CRACD: variants seen among roughly 807,000 people sequenced by gnomAD.
CRACD encodes capping protein-inhibiting regulator of actin dynamics.
In CRACD, 56 loss-of-function variants were observed where a neutral mutation model predicts 106.8. The ratio of observed to expected loss-of-function variants is 0.52; its 90% CI spans 0.42 to 0.66. The LOEUF (loss-of-function observed/expected upper bound fraction) is 0.66. Among genes scored for constraint, CRACD ranks in the 30% least tolerant of loss-of-function variants. The pLI, the probability that CRACD is intolerant of heterozygous loss-of-function variation, is 0.00. For missense variants in CRACD, 1,730 were observed against 1,623.2 expected (o/e 1.07, Z -1.13); for synonymous variants, 754 against 670.8 (o/e 1.12, Z -1.92).
intron 2 of CRACD, among the ~76,000 whole-genome samples, chr4:56,222,825 T>C (rs1303522009): frequency 6.6e-6 from 1 of 151,536 alleles, no homozygotes; most frequent in Non-Finnish European, 1.5e-5. Flanking sequence ...CCGCAAAAAT[T>C]AGCTGGGCAT....
chr4:56,289,989 G>C (rs1477901951), intron 3 of CRACD, among the ~76,000 whole-genome samples: 1 of 152,114 alleles, frequency 6.6e-6, no homozygotes, highest in East Asian at 1.9e-4. Flanking sequence ...AGCACAGAGG[G>C]GCCCTTTCTG....
intron 3 of CRACD, among the ~76,000 whole-genome samples, chr4:56,279,338 A>G (rs1000654981): frequency 1.3e-5 from 2 of 152,184 alleles, no homozygotes; most frequent in Admixed American, 1.3e-4. Context: ...AGCAAAAGAA[A>G]CTACCATCGG....
At chr4:56,248,488 C>G (rs1031435884) in intron 2 of CRACD, among the ~76,000 whole-genome samples, 1 of 147,438 alleles carries the variant, frequency 6.8e-6, no homozygotes, top group African/African-American at 2.5e-5. Flanking sequence ...CATCAAGGCT[C>G]AATGCATTAT....
intron 6 of CRACD, chr4:56,311,517 G>C (rs564858701): frequency 3.9e-5 from 6 of 152,058 alleles, no homozygotes; most frequent in African/African-American, 1.4e-4. Context: ...ATCTATTAGG[G>C]GATGGAAACA....
chr4:56,260,542 G>A (rs564014393), intron 2 of CRACD, among the ~76,000 whole-genome samples: 1 of 152,178 alleles, frequency 6.6e-6, no homozygotes, highest in Non-Finnish European at 1.5e-5. Flanking sequence ...GTTATTTAAT[G>A]AAACTGTAAT....
chr4:56,315,229 C>T lies in CRACD; in HGVS notation c.1727C>T (p.Pro576Leu). 3 of 1,596,622 alleles carry T rather than the reference C, an allele frequency of 1.9e-6. No individual in the cohort carries two copies. Among genetic ancestry groups the T allele is most frequent in the Non-Finnish European group, 2.6e-6 (3 of 1,171,486 alleles). The part of the protein sequence containing the change: ...LTAAPQEPKA[P>L]KASPVQHALP... Reference sequence around the variant, plus strand: ...GCTGCTCCCCAGGAACCAAAGGCCCCCAAAGCCAGCCCAGTCCAGCACGCC... The same window carrying T: ...GCTGCTCCCCAGGAACCAAAGGCCCTCAAAGCCAGCCCAGTCCAGCACGCC... The change falls in exon 8 of 11, where the codon CCC becomes CTC. Residue 576 changes from proline (P) to leucine (L), a missense_variant. Transcript: ENST00000682029. This position sits in a 1 kb window ranked among gnomAD's most constrained non-coding sequence, Gnocchi z 4.1.
At chr4:56,050,672 A>G (rs1355748419) in intron 1 of CRACD, among the ~76,000 whole-genome samples, 1 of 152,188 alleles carries the variant, frequency 6.6e-6, no homozygotes, top group Admixed American at 6.5e-5. Flanking sequence ...TATGAAAAAA[A>G]ATTTCAAAGG....
chr4:56,129,581 A>G (rs1734759508), intron 1 of CRACD, among the ~76,000 whole-genome samples: 1 of 152,224 alleles, frequency 6.6e-6, no homozygotes. Flanking sequence ...TGCTGCCACC[A>G]GGTGGATGCT....
In CRACD at chr4:56,314,444, G is replaced by A; in HGVS notation, c.942G>A (p.Leu314=). The change falls in exon 8 of 11, where the codon CTG becomes CTA. Residue 314 remains leucine (L), a synonymous_variant. Coordinates refer to ENST00000682029, the MANE Select transcript of CRACD (RefSeq NM_001393381.1). The surrounding 1 kb of genome is among the most constrained non-coding windows in gnomAD (Gnocchi z 4.4). ...ERREREERER[L]EAEEERRRLQ... is the part of the protein sequence containing the mutation. ...GGGAGCGTGAGGAGCGCGAGCGCCTGGAGGCGGAGGAGGAGCGAAGGCGTC... is the reference window on the plus strand; with the variant it reads ...GGGAGCGTGAGGAGCGCGAGCGCCTAGAGGCGGAGGAGGAGCGAAGGCGTC... The A allele has an allele frequency of 5.3e-6, 8 of 1,507,234 alleles. No homozygotes were observed. In the South Asian group the frequency reaches 9.8e-5, roughly 18 times the overall value. The allele number at this position is 1,507,234 out of a possible 1,614,324, so 93.4% of individuals were successfully genotyped here. A position where few individuals can be genotyped will look rare whatever the true frequency, so the allele number is the denominator to read the frequency against.
chr4:56,183,680 C>A (rs1203759348), intron 2 of CRACD, among the ~76,000 whole-genome samples: 1 of 152,168 alleles, frequency 6.6e-6, no homozygotes, highest in Non-Finnish European at 1.5e-5. Context: ...GAAGACCATA[C>A]CTGACCTCAA....
intron 2 of CRACD, among the ~76,000 whole-genome samples, chr4:56,267,995 T>C (rs191138547): frequency 2.4e-4 from 36 of 152,268 alleles, no homozygotes; most frequent in African/African-American, 8.4e-4. Context: ...CTTGTGTGTA[T>C]TCAGCTCCTT....
rs756151128 is a variant in CRACD at position 56,314,330 on chromosome 4, G to A, written c.828G>A (p.Gly276=). Reference sequence around the variant, plus strand: ...AGCTCTTGGAGGAGGAGGGCGAGGGGCAGGAGCCGCCTCTAGAGGCGGAAA... The same window carrying A: ...AGCTCTTGGAGGAGGAGGGCGAGGGACAGGAGCCGCCTCTAGAGGCGGAAA... ...RQELLEEEGE[G]QEPPLEAERA... Residue 276 remains glycine (G), a synonymous_variant, in exon 8 of 11, where the codon GGG becomes GGA. Coordinates refer to ENST00000682029, the MANE Select transcript of CRACD (RefSeq NM_001393381.1). This position sits in a 1 kb window ranked among gnomAD's most constrained non-coding sequence, Gnocchi z 4.4. 10 of 1,550,884 alleles carry A rather than the reference G, an allele frequency of 6.4e-6. 1 individual carries two copies. In the South Asian group the frequency reaches 7.1e-5, roughly 11 times the overall value.
intron 2 of CRACD, among the ~76,000 whole-genome samples, chr4:56,232,974 C>G (rs917934928): frequency 5.9e-5 from 9 of 152,138 alleles, no homozygotes; most frequent in Admixed American, 2.0e-4. Context: ...AGTGACCCAC[C>G]TGCCTCAGCA....
chr4:56,216,230 A>C (rs978700950), intron 2 of CRACD: 1 of 152,234 alleles, frequency 6.6e-6, no homozygotes, highest in Admixed American at 6.5e-5. Flanking sequence ...TTGCATGATA[A>C]CTAACTCATC....
intron 1 of CRACD, among the ~76,000 whole-genome samples, chr4:56,148,282 T>A (rs115653466): frequency 1.7e-3 from 143 of 85,736 alleles, no homozygotes; most frequent in East Asian, 3.2e-3. Context: ...GTTTTTTTTT[T>A]AAAAAAAAAA....
intron 2 of CRACD, among the ~76,000 whole-genome samples, chr4:56,188,680 T>A (rs1265656884): frequency 2.7e-5 from 3 of 109,908 alleles, no homozygotes; most frequent in African/African-American, 1.4e-4. Context: ...TCTCTCTCTC[T>A]CTCTCTCACA....
At chr4:56,061,660 GT>G (rs1304349202) in intron 1 of CRACD, among the ~76,000 whole-genome samples, 1 of 152,150 alleles carries the variant, frequency 6.6e-6, no homozygotes, top group African/African-American at 2.4e-5. Context: ...GTGGCAAATT[GT>G]GTATGTATAC....
At chr4:56,209,834 A>G (rs1263237928) in intron 2 of CRACD, among the ~76,000 whole-genome samples, 1 of 152,160 alleles carries the variant, frequency 6.6e-6, no homozygotes, top group African/African-American at 2.4e-5. Flanking sequence ...TACCCTCCCT[A>G]ATGTCTTTTC....
chr4:56,306,515 A>ACAAC (rs770646321), intron 4 of CRACD, among the ~76,000 whole-genome samples: 3 of 111,466 alleles, frequency 2.7e-5, no homozygotes, highest in African/African-American at 8.0e-5. Flanking sequence ...CGTGTCTCAA[A>ACAAC]CAAACAAACA....
Sources: gnomAD v4.1 joint callset for allele counts (sites outside exome capture counted in the v4.1 genomes callset) on GRCh38, gnomAD v4.1.1 for gene constraint, Gnocchi (gnomAD v3.1) non-coding constraint, MANE v1.5 for transcripts, NCBI Gene and HGNC (gene_info 2026-07-23, HGNC 2026-07-21) for gene names.